CPNE8: variants seen among roughly 807,000 people sequenced by gnomAD.
The protein encoded by CPNE8 is copine-8.
Under a neutral mutation model 81.5 loss-of-function variants are expected in CPNE8, and 45 were observed. The ratio of observed to expected loss-of-function variants is 0.55; its 90% CI spans 0.44 to 0.71. The LOEUF (loss-of-function observed/expected upper bound fraction) is 0.71, where lower values mean the gene tolerates loss of function less well. CPNE8 is among the 30% of genes least tolerant of loss of function. The pLI is 0.00. For synonymous variants in CPNE8, 252 were observed against 226.3 expected, an observed-to-expected ratio of 1.11 and a Z score of -1.02; for missense variants, 594 against 672.1, an observed-to-expected ratio of 0.88 and a Z score of 1.28.
At position 38,693,774 on chromosome 12, in the gene CPNE8, C is replaced by A. The variant is rs1435608159; in HGVS notation, c.1026G>T (p.Met342Ile). 6.8e-6 allele frequency: 11 copies of A among 1,613,180 alleles called. No homozygotes were observed. The South Asian group carries it at 7.7e-5, about 11-fold the overall frequency. ...CAATTTCTCCCACTGCTTTTAGTGC[C>A]ATACCATAGGCATTCAGTTGGTAAG... ...MNPYQLNAYG[M>I]ALKAVGEIVQ... The change falls in exon 15 of 20, where the codon ATG (methionine) becomes ATT (isoleucine). Residue 342 changes from methionine (M) to isoleucine (I), a missense_variant. Coordinates refer to ENST00000331366, the MANE Select transcript of CPNE8 (RefSeq NM_153634.3).
chr12:38,712,091 T>C (rs1940273201), intron 13 of CPNE8, among the ~76,000 whole-genome samples: 1 of 152,070 alleles, frequency 6.6e-6, no homozygotes, highest in African/African-American at 2.4e-5. Context: ...ACATGTATAT[T>C]CCATTTTCGA....
intron 6 of CPNE8, among the ~76,000 whole-genome samples, chr12:38,785,286 T>A (rs1480007443): frequency 6.6e-6 from 1 of 151,896 alleles, no homozygotes; most frequent in African/African-American, 2.4e-5. Context: ...ACACAGAATA[T>A]TATAACACTA....
chr12:38,675,276 C>G (rs900111957), intron 18 of CPNE8, among the ~76,000 whole-genome samples: 1 of 152,166 alleles, frequency 6.6e-6, no homozygotes, highest in Non-Finnish European at 1.5e-5. Flanking sequence ...ATTAAATTAG[C>G]ATATTATGCT....
intron 18 of CPNE8, among the ~76,000 whole-genome samples, chr12:38,672,173 T>C (rs1224607418): frequency 1.3e-5 from 2 of 152,180 alleles, no homozygotes; most frequent in Admixed American, 6.6e-5. Context: ...AATTACCCTA[T>C]ACACATGCTA....
At chr12:38,772,046 G>A (rs989089487) in intron 7 of CPNE8, among the ~76,000 whole-genome samples, 3 of 152,178 alleles carry the variant, frequency 2.0e-5, no homozygotes, top group African/African-American at 4.8e-5. Context: ...TGCTTTCACA[G>A]TCTTGAATGA....
intron 6 of CPNE8, among the ~76,000 whole-genome samples, chr12:38,823,745 A>T (rs760548596): frequency 6.6e-6 from 1 of 152,136 alleles, no homozygotes; most frequent in Non-Finnish European, 1.5e-5. Context: ...CAGAGGAGAG[A>T]ATGGCAATCT....
intron 6 of CPNE8, among the ~76,000 whole-genome samples, chr12:38,813,358 T>A (rs1194811628): frequency 1.3e-5 from 2 of 152,042 alleles, no homozygotes; most frequent in South Asian, 2.1e-4. Context: ...GAAAAGATGG[T>A]CATTAATTGG....
At chr12:38,709,953 G>GA (rs1450951273) in intron 13 of CPNE8, among the ~76,000 whole-genome samples, 1 of 151,854 alleles carries the variant, frequency 6.6e-6, no homozygotes, top group Non-Finnish European at 1.5e-5. Context: ...GATTCCTGGG[G>GA]ATCAGTGAAA....
chr12:38,655,067 T>C (rs1938787866), intron 19 of CPNE8, among the ~76,000 whole-genome samples: 1 of 152,184 alleles, frequency 6.6e-6, no homozygotes, highest in South Asian at 2.1e-4. Flanking sequence ...AAGATTTGGG[T>C]ATATTTCTTA....
At chr12:38,795,604 G>A (rs1942441660) in intron 6 of CPNE8, among the ~76,000 whole-genome samples, 1 of 152,104 alleles carries the variant, frequency 6.6e-6, no homozygotes, top group Non-Finnish European at 1.5e-5. Flanking sequence ...ATTATGCTAA[G>A]TGAAATAAGC....
At chr12:38,765,405 C>T (rs1437766591) in intron 8 of CPNE8, among the ~76,000 whole-genome samples, 3 of 152,048 alleles carry the variant, frequency 2.0e-5, no homozygotes, top group African/African-American at 4.8e-5. Context: ...ATATAAATAT[C>T]ACGCTACTAA....
intron 10 of CPNE8, among the ~76,000 whole-genome samples, chr12:38,743,572 A>G (rs1359404507): frequency 6.6e-6 from 1 of 152,112 alleles, no homozygotes; most frequent in Non-Finnish European, 1.5e-5. Flanking sequence ...TTTAAATAAA[A>G]CTATTTGAAG....
At chr12:38,731,049 A>C (rs1221210028) in intron 10 of CPNE8, among the ~76,000 whole-genome samples, 1 of 151,870 alleles carries the variant, frequency 6.6e-6, no homozygotes, top group Non-Finnish European at 1.5e-5. Context: ...CAACTACAAA[A>C]ACATGCTAAA....
chr12:38,790,472 T>C (rs1195717366), intron 6 of CPNE8, among the ~76,000 whole-genome samples: 1 of 151,594 alleles, frequency 6.6e-6, no homozygotes, highest in South Asian at 2.1e-4. Context: ...TGGGGTAATA[T>C]AGAGCTAGTT....
intron 15 of CPNE8, among the ~76,000 whole-genome samples, chr12:38,688,828 G>A (rs1489127666): frequency 6.6e-6 from 1 of 152,074 alleles, no homozygotes; most frequent in African/African-American, 2.4e-5. Context: ...GGCGGGGAAA[G>A]GTGGGAGGAA....
intron 1 of CPNE8, among the ~76,000 whole-genome samples, chr12:38,898,121 C>T (rs1171272784): frequency 3.3e-5 from 5 of 152,136 alleles, no homozygotes; most frequent in Admixed American, 2.0e-4. Flanking sequence ...TGCTACAACA[C>T]AAATAACAGA....
intron 13 of CPNE8, among the ~76,000 whole-genome samples, chr12:38,714,356 C>T (rs542242281): frequency 2.0e-5 from 3 of 151,936 alleles, no homozygotes; most frequent in Non-Finnish European, 4.4e-5. Flanking sequence ...ACTAAATAAT[C>T]TCCAATTTTA....
At chr12:38,827,013 C>CA (rs56670584) in intron 6 of CPNE8, among the ~76,000 whole-genome samples, 5,735 of 91,632 alleles carry the variant, frequency 0.063, 310 homozygotes, top group African/African-American at 0.18. Context: ...ACTAAAAATA[C>CA]AAAAAAAAAA....
chr12:38,655,134 T>C (rs1009549427), intron 19 of CPNE8, among the ~76,000 whole-genome samples: 5 of 152,124 alleles, frequency 3.3e-5, no homozygotes, highest in African/African-American at 9.7e-5. Context: ...GTAATTGCAG[T>C]TTTTGCAGTA....
Sources: gnomAD v4.1 joint callset for allele counts (sites outside exome capture counted in the v4.1 genomes callset) on GRCh38, gnomAD v4.1.1 for gene constraint, MANE v1.5 for transcripts, NCBI Gene and HGNC (gene_info 2026-07-23, HGNC 2026-07-21) for gene names.